Variants in PRRC2C observed in about 807,000 individuals in gnomAD.
The protein encoded by PRRC2C is protein PRRC2C.
In PRRC2C, 72 loss-of-function variants were observed where a neutral mutation model predicts 317.2. The observed-to-expected ratio is 0.23, with a 90% CI of 0.19 to 0.28. PRRC2C has a LOEUF of 0.28. Among genes scored for constraint, PRRC2C ranks in the 10% least tolerant of loss-of-function variants. PRRC2C has a pLI of 1.00. For synonymous variants in PRRC2C, 1,296 were observed against 1,205.9 expected, an observed-to-expected ratio of 1.07 and a Z score of -1.55; for missense variants, 3,074 against 3,459.7, an observed-to-expected ratio of 0.89 and a Z score of 2.80.
chr1:171,561,259 C>T (rs1000898041), intron 20 of PRRC2C, among the ~76,000 whole-genome samples, 156 bp downstream of exon 20: 5 of 152,002 alleles, frequency 3.3e-5, no homozygotes, highest in Admixed American at 6.6e-5. Flanking sequence ...GTGAGACCCG[C>T]CTGGGCAATG....
chr1:171,529,101 C>T (rs1166803153), intron 11 of PRRC2C, among the ~76,000 whole-genome samples: 2 of 152,182 alleles, frequency 1.3e-5, no homozygotes, highest in East Asian at 3.9e-4. Flanking sequence ...ATCCTTAAAA[C>T]ACTTTTTTAT....
chr1:171,564,464 A>G (rs1683252423), intron 20 of PRRC2C, among the ~76,000 whole-genome samples: 2 of 152,228 alleles, frequency 1.3e-5, no homozygotes, highest in African/African-American at 4.8e-5. Context: ...TTTCTTTTCT[A>G]ATACTACTGT....
At chr1:171,553,695 A>G (rs878940058) in intron 18 of PRRC2C, among the ~76,000 whole-genome samples, 2 of 152,164 alleles carry the variant, frequency 1.3e-5, no homozygotes, top group African/African-American at 2.4e-5. Context: ...TTCAATGAAC[A>G]TCTTTATTTC....
chr1:171,590,608 T>C (rs1224760579), intron 34 of PRRC2C, among the ~76,000 whole-genome samples: 1 of 152,172 alleles, frequency 6.6e-6, no homozygotes, highest in African/African-American at 2.4e-5. Context: ...TGGGTCGACA[T>C]CCCTAGTGTT....
chr1:171,508,253 A>G (rs1030331647), intron 1 of PRRC2C, among the ~76,000 whole-genome samples: 2 of 152,096 alleles, frequency 1.3e-5, no homozygotes, highest in African/African-American at 4.8e-5. Context: ...GGTTTTTCCC[A>G]TTGATTTTGA....
intron 1 of PRRC2C, among the ~76,000 whole-genome samples, chr1:171,503,420 A>G (rs1267035097): frequency 1.3e-5 from 2 of 151,836 alleles, no homozygotes; most frequent in African/African-American, 4.8e-5. Flanking sequence ...GCTACTTGGG[A>G]GGCTGAGGCA....
At chr1:171,579,543 A>G in intron 27 of PRRC2C, 77 bp downstream of exon 27, 3 of 1,500,852 alleles carry the variant, frequency 2.0e-6, no homozygotes, top group Non-Finnish European at 2.7e-6. Context: ...TTGGAACATA[A>G]ATAATAGACT....
Position 171,514,922 on chromosome 1 carries a change from GC to G in PRRC2C, c.400+278del, listed in dbSNP as rs1672057123. On this transcript the variant is annotated intron_variant, in intron 4 of 34. Transcript: ENST00000647382. ...CTTTACCTCTGCATATCCAAGCAAA[GC>G]TTGTACCTTCAAAGTATCCAGCCAT... Among the ~76,000 whole-genome samples the G allele has an allele frequency of 2.0e-5, 3 of 152,206 alleles. No homozygotes were observed. In the South Asian group the frequency reaches 6.2e-4, roughly 32 times the overall value.
At chr1:171,499,314 G>A (rs971776867) in intron 1 of PRRC2C, among the ~76,000 whole-genome samples, 1 of 152,178 alleles carries the variant, frequency 6.6e-6, no homozygotes, top group Non-Finnish European at 1.5e-5. Context: ...AGTGAATAGG[G>A]GAACTAATCA....
At chr1:171,505,026 AT>A (rs56282458) in intron 1 of PRRC2C, among the ~76,000 whole-genome samples, 7,740 of 136,614 alleles carry the variant, frequency 0.057, 206 homozygotes, top group Non-Finnish European at 0.088. Context: ...AAGTATTTCA[AT>A]TTTTTTTTTT....
At chr1:171,487,641 C>A (rs1276075507) in intron 1 of PRRC2C, among the ~76,000 whole-genome samples, 1 of 152,206 alleles carries the variant, frequency 6.6e-6, no homozygotes. Context: ...AGAATATTCC[C>A]TCATCTGTAA....
chr1:171,540,787 G>T lies in PRRC2C; in HGVS notation c.3321G>T (p.Lys1107Asn), dbSNP rs770060535. The part of the protein sequence containing the change: ...LAQKPSQDTE[K>N]PLEPVSTVQV... ...AAAAACCATCTCAGGATACTGAGAA[G>T]CCTCTGGAACCTGTGAGTACTGTTC... is the stretch of plus-strand genomic sequence containing the variant. Residue 1107 changes from lysine to asparagine, a missense_variant, in exon 16 of 35, where the codon AAG becomes AAT. Lys to Asn is a moderately conservative substitution (Grantham distance 94). Coordinates refer to ENST00000647382, the MANE Select transcript of PRRC2C (RefSeq NM_001387844.1). The T allele has an allele frequency of 1.1e-5, 18 of 1,613,798 alleles. No homozygotes were observed. Among genetic ancestry groups the T allele is most frequent in the Non-Finnish European group, 1.5e-5 (18 of 1,179,856 alleles).
At position 171,574,963 on chromosome 1, in the gene PRRC2C, A is replaced by G. The variant is rs377274488; in HGVS notation, c.6790A>G (p.Asn2264Asp). 5.0e-6 allele frequency: 8 copies of G among 1,613,776 alleles called. No homozygotes were observed. In the African/African-American group the frequency reaches 8.0e-5, roughly 16 times the overall value. Reference sequence around the variant, plus strand: ...ACGCAAAGCATGGGAGAATTCTCCAAATGTAAGGGAAAAGGGGTCTCCAGT... The same window carrying G: ...ACGCAAAGCATGGGAGAATTCTCCAGATGTAAGGGAAAAGGGGTCTCCAGT... ...SARKAWENSP[N>D]VREKGSPVTS... Residue 2264 changes from asparagine to aspartate, a missense_variant, in exon 25 of 35, where the codon AAT becomes GAT. Around this residue, in one of 11 missense-constraint regions of PRRC2C, gnomAD observed 490 missense variants for 663.1 expected, o/e 0.74. Transcript: ENST00000647382.
At chr1:171,492,200 C>G (rs1160062051) in intron 1 of PRRC2C, among the ~76,000 whole-genome samples, 1 of 152,166 alleles carries the variant, frequency 6.6e-6, no homozygotes, top group African/African-American at 2.4e-5. Flanking sequence ...CATCTCCCAA[C>G]TGTAGAACTA....
chr1:171,528,424 C>T (rs1181757633), intron 11 of PRRC2C, among the ~76,000 whole-genome samples: 1 of 151,790 alleles, frequency 6.6e-6, no homozygotes, highest in Non-Finnish European at 1.5e-5. Flanking sequence ...GAGTTGCTGG[C>T]ACTACAGATG....
intron 1 of PRRC2C, among the ~76,000 whole-genome samples, chr1:171,502,826 C>T (rs1022799317): frequency 1.3e-5 from 2 of 152,114 alleles, no homozygotes; most frequent in East Asian, 1.9e-4. Flanking sequence ...TGGGTTCAAG[C>T]GATTCTTCTG....
intron 23 of PRRC2C, 81 bp from the exon 24 acceptor site, chr1:171,571,239 G>T: frequency 1.4e-6 from 1 of 733,366 alleles, no homozygotes; most frequent in Admixed American, 2.5e-5. Context: ...ACTACCCTTA[G>T]AACACCTTAG....
chr1:171,586,543 G>GTATTTTATTTTATTTTATTT (rs560341256), intron 30 of PRRC2C, among the ~76,000 whole-genome samples: 2,053 of 132,246 alleles, frequency 0.016, 42 homozygotes, highest in African/African-American at 0.025. Context: ...TGTGTTCTAT[G>GTATTTTATTTTATTTTATTT]TATTTTATTT....
Position 171,557,323 on chromosome 1 carries a change from A to T in PRRC2C, c.5211A>T (p.Thr1737=), listed in dbSNP as rs1681639772. ...LPPRFAKKQA[T]GIQQAQSSAS... is the part of the protein sequence containing the mutation. ...CAAGATTTGCCAAAAAACAGGCTAC[A>T]GGGATCCAGCAAGCACAGTCTTCAG... Residue 1737 remains threonine, a synonymous_variant, in exon 19 of 35, where the codon ACA becomes ACT. Coordinates refer to ENST00000647382, the MANE Select transcript of PRRC2C (RefSeq NM_001387844.1). The T allele has an allele frequency of 2.6e-6, 4 of 1,551,918 alleles. No homozygotes were observed. The Admixed American group carries it at 7.8e-5, about 30-fold the overall frequency.
Sources: allele counts gnomAD v4.1 joint callset (sites outside exome capture counted in the v4.1 genomes callset), GRCh38; gene constraint gnomAD v4.1.1; regional missense constraint gnomAD v4.1.1; transcripts MANE v1.5; gene names NCBI Gene and HGNC (gene_info 2026-07-23, HGNC 2026-07-21).